PLCH1: variants seen among roughly 807,000 people sequenced by gnomAD.
The protein encoded by PLCH1 is phospholipase C eta 1.
A neutral mutation model predicts 126.7 loss-of-function variants in PLCH1; 60 were observed. That is an observed-to-expected ratio of 0.47 (90% CI 0.38 to 0.59). The LOEUF (loss-of-function observed/expected upper bound fraction) is 0.59. Among genes scored for constraint, PLCH1 ranks in the 20% least tolerant of loss-of-function variants. PLCH1 has a pLI of 0.00. For missense variants in PLCH1, 1,723 were observed against 2,040.0 expected, an observed-to-expected ratio of 0.84 and a Z score of 2.99; for synonymous variants, 719 against 734.9, an observed-to-expected ratio of 0.98 and a Z score of 0.35.
intron 2 of PLCH1, among the ~76,000 whole-genome samples, chr3:155,647,769 A>T (rs141323120): frequency 2.6e-5 from 4 of 152,316 alleles, no homozygotes; most frequent in Non-Finnish European, 4.4e-5. Flanking sequence ...TACAATGGTA[A>T]AACAAAGTAA....
chr3:155,475,238 A>G (rs1713486952), downstream of PLCH1, among the ~76,000 whole-genome samples: 1 of 152,086 alleles, frequency 6.6e-6, no homozygotes, highest in Admixed American at 6.5e-5. Context: ...AGAAATTAAG[A>G]AGAAAATTTT....
chr3:155,482,232 G>C lies in PLCH1; in HGVS notation c.3794C>G (p.Thr1265Arg), dbSNP rs1412779133. ...GGGAGTGCAGGTAGTTTCATAAACT[G>C]TGTTCGTTGCATGTTTGGTGGTCTC... is the stretch of plus-strand genomic sequence containing the variant. Reference protein sequence around the residue: ...SSETTKHATNTVYETTCTPIS... With the variant: ...SSETTKHATNRVYETTCTPIS... Residue 1265 changes from threonine to arginine, a missense_variant, in exon 23 of 23, where the codon ACA becomes AGA. By Grantham distance (71) the Thr-to-Arg change is moderately conservative. Transcript: ENST00000460012. The C allele has an allele frequency of 6.2e-7, 1 of 1,614,032 alleles. No homozygotes were observed. Among genetic ancestry groups the C allele is most frequent in the African/African-American group, 1.3e-5 (1 of 74,904 alleles).
At chr3:155,536,792 A>G (rs1723416100) in intron 10 of PLCH1, among the ~76,000 whole-genome samples, 1 of 152,146 alleles carries the variant, frequency 6.6e-6, no homozygotes, top group South Asian at 2.1e-4. Context: ...TTTGCTGGAG[A>G]TCTATACATC....
At chr3:155,494,306 C>T (rs759568901) in intron 16 of PLCH1, 32 bp downstream of exon 16, 1 of 1,612,610 alleles carries the variant, frequency 6.2e-7, no homozygotes, top group Admixed American at 1.7e-5. Context: ...TGAGAATATA[C>T]AGAGAACCAC....
rs1049493640 is a variant in PLCH1, at chr3:155,458,587, A to AAAGG, written c.2938+26768_2938+26769insCCTT. Among the ~76,000 whole-genome samples, 17 of 151,162 alleles carry AAAGG rather than the reference A, an allele frequency of 1.1e-4. 2 individuals are homozygous for AAAGG. Among genetic ancestry groups the AAAGG allele is most frequent in the Non-Finnish European group, 1.9e-4 (13 of 67,720 alleles). On this transcript the variant is annotated intron_variant, in intron 21 of 21. Transcript: ENST00000494598. ...GAAAGAAAGAAAGAAAGAAAGGAAG[A>AAAGG]AAGAAAGAAACCATGTTTAGAAAGA...
Position 155,481,919 on chromosome 3 carries a change from C to T in PLCH1, c.4107G>A (p.Arg1369=), listed in dbSNP as rs1399063011. 1.2e-6 allele frequency: 2 copies of T among 1,614,178 alleles called. No individual in the cohort carries two copies. The highest frequency in any genetic ancestry group is 3.3e-5 in the Admixed American group (2 of 60,018). The change falls in exon 23 of 23, where the codon AGG becomes AGA. Residue 1369 remains arginine (R), a synonymous_variant. Transcript: ENST00000460012. This position sits in a 1 kb window ranked among gnomAD's most constrained non-coding sequence, Gnocchi z 4.2. ...AAGCAAGTTGACTTGTGCCCTCTCTCCTATATTCACAGGTTGTTAGAGAAA... is the reference window on the plus strand; with the variant it reads ...AAGCAAGTTGACTTGTGCCCTCTCTTCTATATTCACAGGTTGTTAGAGAAA... The part of the protein sequence containing the change: ...ENLSLTTCEY[R]REGTSQLASP...
Position 155,565,701 on chromosome 3 carries a change from TA to T in PLCH1, c.866-584del, listed in dbSNP as rs67810928. Among the ~76,000 whole-genome samples, 363 of 38,478 alleles carry T rather than the reference TA, an allele frequency of 9.4e-3. 3 individuals are homozygous for T. Among genetic ancestry groups the T allele is most frequent in the Admixed American group, 0.041 (149 of 3,636 alleles). 25.2% of individuals were successfully genotyped at this position (38,478 alleles called of 152,430 possible). On this transcript the variant is annotated intron_variant, in intron 7 of 22. Coordinates refer to ENST00000460012, the MANE Select transcript of PLCH1 (RefSeq NM_014996.4). Reference sequence around the variant, plus strand: ...CCTTCTTTATTTTATTTTATTTATTTATTTTTTTTTTTGAGATGGAGTCTTG... The same window carrying T: ...CCTTCTTTATTTTATTTTATTTATTTTTTTTTTTTTTGAGATGGAGTCTTG...
chr3:155,523,132 G>A (rs1269938969), intron 11 of PLCH1, among the ~76,000 whole-genome samples: 5 of 151,704 alleles, frequency 3.3e-5, no homozygotes, highest in East Asian at 1.9e-4. Flanking sequence ...CCACCACCAC[G>A]CCCGGCTAAT....
chr3:155,676,738 A>T (rs1227919985), intron 2 of PLCH1, among the ~76,000 whole-genome samples: 1 of 152,170 alleles, frequency 6.6e-6, no homozygotes, highest in African/African-American at 2.4e-5. Flanking sequence ...ATTCACACAC[A>T]AACATAGCAA....
At chr3:155,475,871 A>G (rs752682448), downstream of PLCH1, among the ~76,000 whole-genome samples, 8 of 152,306 alleles carry the variant, frequency 5.3e-5, no homozygotes, top group Non-Finnish European at 1.0e-4. Context: ...TCACTGCTGA[A>G]TTCTACCAAA....
At chr3:155,533,075 A>G (rs1191372811) in intron 10 of PLCH1, among the ~76,000 whole-genome samples, 1 of 152,220 alleles carries the variant, frequency 6.6e-6, no homozygotes, top group African/African-American at 2.4e-5. Flanking sequence ...CTTTTTGGGA[A>G]CTGGAGCAAA....
chr3:155,605,218 TGAAAG>T (rs1734206063), intron 2 of PLCH1, among the ~76,000 whole-genome samples: 2 of 152,144 alleles, frequency 1.3e-5, no homozygotes, highest in South Asian at 4.1e-4. Context: ...GTGACTAGTC[TGAAAG>T]GAGTCAACAC....
At chr3:155,724,394 A>G (rs1335530846) in intron 1 of PLCH1, among the ~76,000 whole-genome samples, 1 of 152,164 alleles carries the variant, frequency 6.6e-6, no homozygotes, top group African/African-American at 2.4e-5. Flanking sequence ...TAGGTCTAGT[A>G]GTAATTGTTT....
intron 2 of PLCH1, among the ~76,000 whole-genome samples, chr3:155,617,324 G>GA (rs1413953202): frequency 3.3e-5 from 5 of 151,948 alleles, no homozygotes; most frequent in African/African-American, 7.3e-5. Context: ...TTAGAATAGA[G>GA]AAAAAATCTT....
intron 2 of PLCH1, among the ~76,000 whole-genome samples, chr3:155,650,518 G>C (rs1740594579): frequency 6.6e-6 from 1 of 152,122 alleles, no homozygotes; most frequent in Non-Finnish European, 1.5e-5. Context: ...TCAAGTCACT[G>C]AACTGGAATA....
At chr3:155,523,515 C>T (rs1432837901) in intron 11 of PLCH1, among the ~76,000 whole-genome samples, 4 of 112,062 alleles carry the variant, frequency 3.6e-5, no homozygotes, top group African/African-American at 8.3e-5. Flanking sequence ...TCCAGCCAGC[C>T]TTGACAGGGA....
rs1477387493 is a variant in PLCH1 at position 155,505,729 on chromosome 3, C to T, written c.1633-1103G>A. Among the ~76,000 whole-genome samples the T allele has an allele frequency of 2.0e-5, 3 of 152,102 alleles. No individual in the cohort carries two copies. In the East Asian group the frequency reaches 5.8e-4, roughly 29 times the overall value. ...TTAACTGATTCATACATGTTTATTG[C>T]TTTTGGAGATCTATTAATGCGGATC... On this transcript the variant is annotated intron_variant, in intron 12 of 22. Transcript: ENST00000460012.
chr3:155,578,462 A>G (rs979533369), intron 6 of PLCH1, among the ~76,000 whole-genome samples: 1 of 152,230 alleles, frequency 6.6e-6, no homozygotes, highest in African/African-American at 2.4e-5. Context: ...AAAGTTATCT[A>G]ATCACATGGT....
rs563177705 is a variant in PLCH1 at position 155,504,224 on chromosome 3, G to C, written c.1704+331C>G. ...TTATAGAAGCTATTTATATATTCAG[G>C]ATAGAATATATAATACACATACCAG... is the stretch of plus-strand genomic sequence containing the variant. On this transcript the variant is annotated intron_variant, in intron 13 of 22. Coordinates refer to ENST00000460012, the MANE Select transcript of PLCH1 (RefSeq NM_014996.4). Among the ~76,000 whole-genome samples, 16 of 152,094 alleles carry C rather than the reference G, an allele frequency of 1.1e-4. No individual in the cohort carries two copies. The South Asian group carries it at 3.3e-3, about 32-fold the overall frequency.
Sources: gnomAD v4.1 joint callset for allele counts (sites outside exome capture counted in the v4.1 genomes callset) on GRCh38, gnomAD v4.1.1 for gene constraint, Gnocchi (gnomAD v3.1) non-coding constraint, MANE v1.5 for transcripts, NCBI Gene and HGNC (gene_info 2026-07-23, HGNC 2026-07-21) for gene names.